The following FRMD4B variants were observed in gnomAD, a reference collection of about 807,000 sequenced individuals.
FRMD4B encodes FERM domain containing 4B, also known as FERM domain-containing protein 4B.
In FRMD4B, 74 loss-of-function variants were observed where a neutral mutation model predicts 141.5. That is an observed-to-expected ratio of 0.52 (90% CI 0.43 to 0.63). The LOEUF is 0.63. Among genes scored for constraint, FRMD4B ranks in the 30% least tolerant of loss-of-function variants. The probability of loss-of-function intolerance (pLI) is 0.00; values close to 1 mark genes in which losing one functional copy is unlikely to be tolerated. For missense variants in FRMD4B, 1,366 were observed against 1,253.4 expected, an observed-to-expected ratio of 1.09 and a Z score of -1.36; for synonymous variants, 506 against 467.9, an observed-to-expected ratio of 1.08 and a Z score of -1.05.
intron 1 of FRMD4B, among the ~76,000 whole-genome samples, chr3:69,500,404 T>C (rs1406667963): frequency 4.6e-5 from 7 of 152,144 alleles, no homozygotes; most frequent in Non-Finnish European, 2.9e-5. Context: ...ACTCATTGCA[T>C]TGAGTGGGTC....
At chr3:69,455,619 A>G (rs959314267) in intron 1 of FRMD4B, among the ~76,000 whole-genome samples, 3 of 152,192 alleles carry the variant, frequency 2.0e-5, no homozygotes, top group Non-Finnish European at 4.4e-5. Context: ...AAGAACTGTA[A>G]TGCTCACTGC....
At chr3:69,349,943 G>A (rs911826523) in intron 1 of FRMD4B, among the ~76,000 whole-genome samples, 1 of 152,102 alleles carries the variant, frequency 6.6e-6, no homozygotes, top group African/African-American at 2.4e-5. Context: ...AACACCAAAA[G>A]CAATGGCAAC....
At chr3:69,266,472 C>T (rs1428630313) in intron 5 of FRMD4B, among the ~76,000 whole-genome samples, 3 of 151,946 alleles carry the variant, frequency 2.0e-5, no homozygotes. Flanking sequence ...ATTACAGGCA[C>T]CTGCCACCAC....
chr3:69,466,836 T>C (rs1042017799), intron 1 of FRMD4B, among the ~76,000 whole-genome samples: 5 of 152,244 alleles, frequency 3.3e-5, no homozygotes, highest in African/African-American at 1.2e-4. Context: ...GCTGGGACTA[T>C]AGGCATGTAC....
chr3:69,461,813 C>G (rs1267900536), intron 1 of FRMD4B, among the ~76,000 whole-genome samples: 2 of 151,944 alleles, frequency 1.3e-5, no homozygotes, highest in Non-Finnish European at 2.9e-5. Flanking sequence ...CCAGGACGGC[C>G]CCAGTTTTTA....
chr3:69,465,293 C>A (rs1400890098), intron 1 of FRMD4B, among the ~76,000 whole-genome samples: 1 of 148,552 alleles, frequency 6.7e-6, no homozygotes, highest in Non-Finnish European at 1.5e-5. Flanking sequence ...GCGCTCCAGC[C>A]TGGGTAACAG....
intron 2 of FRMD4B, among the ~76,000 whole-genome samples, chr3:69,402,052 C>T (rs572555008): frequency 6.6e-6 from 1 of 152,314 alleles, no homozygotes; most frequent in South Asian, 2.1e-4. Context: ...ATGTTAATAA[C>T]ACAACTGCAG....
intron 1 of FRMD4B, among the ~76,000 whole-genome samples, chr3:69,511,287 C>A (rs1334114809): frequency 6.6e-6 from 1 of 151,990 alleles, no homozygotes; most frequent in Non-Finnish European, 1.5e-5. Flanking sequence ...TTTTAAAAAT[C>A]TTTTTAAACT....
intron 1 of FRMD4B, among the ~76,000 whole-genome samples, chr3:69,452,183 A>G (rs910458575): frequency 1.3e-5 from 2 of 152,276 alleles, no homozygotes; most frequent in African/African-American, 4.8e-5. Flanking sequence ...CTAGGGATGC[A>G]ACAGTGATCG....
chr3:69,242,380 A>C (rs1022686575), intron 7 of FRMD4B, among the ~76,000 whole-genome samples: 3 of 151,824 alleles, frequency 2.0e-5, no homozygotes, highest in African/African-American at 7.3e-5. Context: ...GAGGTGTAAT[A>C]ACTAAGGGGC....
At chr3:69,489,526 C>T (rs1241742208) in intron 1 of FRMD4B, among the ~76,000 whole-genome samples, 1 of 151,888 alleles carries the variant, frequency 6.6e-6, no homozygotes, top group South Asian at 2.1e-4. Flanking sequence ...CAAATCAAAA[C>T]CAGAGTGAGT....
intron 11 of FRMD4B, among the ~76,000 whole-genome samples, chr3:69,208,908 G>C (rs140090207): frequency 0.02 from 2,988 of 152,168 alleles, 109 homozygotes; most frequent in African/African-American, 0.069. Context: ...CACTTTGGGA[G>C]GCTGAGGCAG....
rs751609347 is a variant in FRMD4B at position 69,196,211 on chromosome 3, C to T, written c.1234+44G>A. On this transcript the variant is annotated intron_variant, in intron 14 of 22. Coordinates refer to ENST00000398540, the MANE Select transcript of FRMD4B (RefSeq NM_015123.3). Reference sequence around the variant, plus strand: ...AGTGGTTTATGACCGAAAAAACAAACGAAATAAAGATGGCTTGCACGTTCT... The same window carrying T: ...AGTGGTTTATGACCGAAAAAACAAATGAAATAAAGATGGCTTGCACGTTCT... The T allele has an allele frequency of 7.0e-5, 104 of 1,488,972 alleles. 2 individuals are homozygous for T. The Admixed American group carries it at 2.3e-3, about 33-fold the overall frequency. The allele number at this position is 1,488,972 out of a possible 1,614,324, so 92.2% of individuals were successfully genotyped here.
At chr3:69,530,668 C>T (rs549172483) in intron 1 of FRMD4B, among the ~76,000 whole-genome samples, 55 of 152,190 alleles carry the variant, frequency 3.6e-4, no homozygotes, top group African/African-American at 1.3e-3. Context: ...CCAACTTCTG[C>T]ATTACAGAAT....
chr3:69,436,874 T>C (rs1705269120), intron 1 of FRMD4B, among the ~76,000 whole-genome samples: 1 of 152,190 alleles, frequency 6.6e-6, no homozygotes, highest in African/African-American at 2.4e-5. Context: ...TGATTCCACT[T>C]ACATGGAGTG....
chr3:69,453,350 C>T (rs997876493), intron 1 of FRMD4B, among the ~76,000 whole-genome samples: 5 of 152,222 alleles, frequency 3.3e-5, no homozygotes, highest in Non-Finnish European at 5.9e-5. Flanking sequence ...TTGGTCCTTA[C>T]TCTCTGATGG....
Position 69,199,479 on chromosome 3 carries a change from G to T in FRMD4B, c.877-705C>A, listed in dbSNP as rs9875523. On this transcript the variant is annotated intron_variant, in intron 11 of 22. Coordinates refer to ENST00000398540, the MANE Select transcript of FRMD4B (RefSeq NM_015123.3). Reference sequence around the variant, plus strand: ...AAAGGGATATTTCAATAACATCAGAGATTGAATTTCAAAAGAATACAAAGT... The same window carrying T: ...AAAGGGATATTTCAATAACATCAGATATTGAATTTCAAAAGAATACAAAGT... 1.5e-3 allele frequency among the ~76,000 whole-genome samples: 236 copies of T among 152,322 alleles called. 1 individual carries two copies. Among genetic ancestry groups the T allele is most frequent in the African/African-American group, 5.5e-3 (228 of 41,570 alleles).
At chr3:69,249,516 G>C (rs1365013839) in intron 6 of FRMD4B, among the ~76,000 whole-genome samples, 2 of 152,200 alleles carry the variant, frequency 1.3e-5, no homozygotes, top group Non-Finnish European at 2.9e-5. Context: ...ACGTTTTTAA[G>C]ATCACATGAT....
chr3:69,316,377 G>A (rs1872152), intron 1 of FRMD4B, among the ~76,000 whole-genome samples: 48,139 of 151,878 alleles, frequency 0.32, 9,055 homozygotes, highest in African/African-American at 0.53. Context: ...CTCTGCAAAA[G>A]TTTACAACAT....
Sources: allele counts gnomAD v4.1 joint callset (sites outside exome capture counted in the v4.1 genomes callset), GRCh38; gene constraint gnomAD v4.1.1; transcripts MANE v1.5; gene names NCBI Gene and HGNC (gene_info 2026-07-23, HGNC 2026-07-21).